SUMF1: variants seen among roughly 807,000 people sequenced by gnomAD.
SUMF1 encodes sulfatase modifying factor 1, also known as formylglycine-generating enzyme.
Under a neutral mutation model 47.6 loss-of-function variants are expected in SUMF1, and 48 were observed. That is an observed-to-expected ratio of 1.01 (90% CI 0.80 to 1.28). The LOEUF (loss-of-function observed/expected upper bound fraction) is 1.28, where lower values mean the gene tolerates loss of function less well. Among genes scored for constraint, SUMF1 ranks in the 50% most tolerant of loss-of-function variants. The pLI is 0.00. For synonymous variants in SUMF1, 230 were observed against 192.1 expected (o/e 1.20, Z -1.63); for missense variants, 571 against 485.4 (o/e 1.18, Z -1.66).
At chr3:4,245,758 T>G (rs559854233) in intron 8 of SUMF1, among the ~76,000 whole-genome samples, 2 of 152,312 alleles carry the variant, frequency 1.3e-5, no homozygotes, top group Non-Finnish European at 2.9e-5. Flanking sequence ...GCCGGTAGAA[T>G]GACTGCTCTC....
At chr3:4,385,441 TTC>T (rs1700641181) in intron 7 of SUMF1, among the ~76,000 whole-genome samples, 1 of 152,206 alleles carries the variant, frequency 6.6e-6, no homozygotes, top group Non-Finnish European at 1.5e-5. Flanking sequence ...GTGGTGTCTC[TTC>T]ATGTCTTCTG....
At chr3:4,048,766 T>C (rs1695051987) in intron 9 of SUMF1, among the ~76,000 whole-genome samples, 1 of 152,186 alleles carries the variant, frequency 6.6e-6, no homozygotes, top group Non-Finnish European at 1.5e-5. Context: ...ACCATGTACA[T>C]TTCATTGCAT....
In SUMF1 at chr3:4,253,130, G is replaced by A. The variant is rs191292603; in HGVS notation, c.1014+123200C>T. 7.8e-4 allele frequency among the ~76,000 whole-genome samples: 119 copies of A among 152,284 alleles called. 2 individuals carry two copies. In the East Asian group the frequency reaches 0.016, roughly 21 times the overall value. ...AAAAAGGCACTGTGAAAAGGCTTTT[G>A]GGTTATGACACAAGCTCAGTTTGGT... On this transcript the variant is annotated intron_variant and NMD_transcript_variant, in intron 8 of 12. Transcript: ENST00000448413.
chr3:4,278,679 T>G lies in SUMF1; in HGVS notation c.1014+97651A>C, dbSNP rs73806975. 7.0e-3 allele frequency among the ~76,000 whole-genome samples: 1,059 copies of G among 152,184 alleles called. 16 individuals are homozygous for G. The highest frequency in any genetic ancestry group is 0.024 in the African/African-American group (1,016 of 41,550). On this transcript the variant is annotated intron_variant and NMD_transcript_variant, in intron 8 of 12. Transcript: ENST00000448413. ...GGCACTGTCATCAGTCGAACCAAGA[T>G]TAGATAAATTAACAAGCAAAAAGCA...
chr3:4,039,232 T>TTTTTTTTTA (rs1373084459), intron 9 of SUMF1, among the ~76,000 whole-genome samples: 1 of 128,740 alleles, frequency 7.8e-6, no homozygotes. Flanking sequence ...TTTTTTTTTT[T>TTTTTTTTTA]TTATTATACT....
chr3:4,152,283 TTTTG>T lies in SUMF1; in HGVS notation c.1015-83542_1015-83539del, dbSNP rs767836191. On this transcript the variant is annotated intron_variant and NMD_transcript_variant, in intron 8 of 12. Coordinates refer to the SUMF1 transcript ENST00000448413. Reference sequence around the variant, plus strand: ...GGACAGTCTAGAAGAGCAGTCTGGATTTTGTTTGTTTATTTGTTTTTTGAAACAG... The same window carrying T: ...GGACAGTCTAGAAGAGCAGTCTGGATTTTGTTTATTTGTTTTTTGAAACAG... Among the ~76,000 whole-genome samples the T allele has an allele frequency of 2.6e-4, 39 of 151,330 alleles. No individual in the cohort carries two copies. In the Middle Eastern group the frequency reaches 0.01, roughly 40 times the overall value.
At chr3:4,351,073 T>C (rs1248756781) in intron 8 of SUMF1, among the ~76,000 whole-genome samples, 1 of 152,318 alleles carries the variant, frequency 6.6e-6, no homozygotes, top group Non-Finnish European at 1.5e-5. Context: ...AAGGGTTGGC[T>C]CCACAAGAGA....
chr3:4,213,363 T>G (rs1157703236), intron 8 of SUMF1, among the ~76,000 whole-genome samples: 6 of 151,976 alleles, frequency 3.9e-5, no homozygotes, highest in African/African-American at 1.5e-4. Flanking sequence ...AGCAAATGCT[T>G]TAAGATTTTG....
intron 8 of SUMF1, chr3:4,313,040 C>T (rs145940333): frequency 1.1e-5 from 17 of 1,613,836 alleles, no homozygotes; most frequent in Non-Finnish European, 1.4e-5. Context: ...GATGATAACT[C>T]ATGCCTTAGA....
intron 1 of SUMF1, among the ~76,000 whole-genome samples, chr3:4,462,299 G>C (rs928369482): frequency 2.0e-5 from 3 of 152,104 alleles, no homozygotes; most frequent in Non-Finnish European, 4.4e-5. Context: ...TTGAACTTTT[G>C]CTGGAGCTAC....
chr3:4,388,329 G>A (rs934249281), intron 7 of SUMF1, among the ~76,000 whole-genome samples: 12 of 151,918 alleles, frequency 7.9e-5, no homozygotes, highest in African/African-American at 2.9e-4. Flanking sequence ...CCTCAACTCT[G>A]GTAAATTTCT....
rs1303328999 is a variant in SUMF1, at chr3:4,227,580, C to T, written c.1014+148750G>A. ...ACTACCTTGGGAGATTAACCTCAAACACAGGGCTCCACACTCTCCCTAATC... is the reference window on the plus strand; with the variant it reads ...ACTACCTTGGGAGATTAACCTCAAATACAGGGCTCCACACTCTCCCTAATC... On this transcript the variant is annotated intron_variant and NMD_transcript_variant, in intron 8 of 12. Transcript: ENST00000448413. 4.6e-5 allele frequency among the ~76,000 whole-genome samples: 7 copies of T among 152,230 alleles called. No homozygotes were observed. In the East Asian group the frequency reaches 1.4e-3, roughly 29 times the overall value.
chr3:4,354,789 G>A (rs1699582152), intron 8 of SUMF1, among the ~76,000 whole-genome samples: 1 of 152,092 alleles, frequency 6.6e-6, no homozygotes, highest in South Asian at 2.1e-4. Context: ...GCTTCTAATA[G>A]TCATATTTAT....
downstream of SUMF1, among the ~76,000 whole-genome samples, chr3:4,356,320 A>C (rs969394752): frequency 3.3e-5 from 5 of 152,260 alleles, no homozygotes; most frequent in Non-Finnish European, 4.4e-5. Context: ...CTCTGATACT[A>C]ATCTGCAAAC....
At chr3:4,391,011 G>C (rs1237924377) in intron 7 of SUMF1, among the ~76,000 whole-genome samples, 1 of 152,094 alleles carries the variant, frequency 6.6e-6, no homozygotes, top group Non-Finnish European at 1.5e-5. Flanking sequence ...CTTCATTTTT[G>C]AAGGATTGTT....
At chr3:4,098,600 G>A (rs1203678089) in intron 8 of SUMF1, among the ~76,000 whole-genome samples, 1 of 152,064 alleles carries the variant, frequency 6.6e-6, no homozygotes, top group Non-Finnish European at 1.5e-5. Flanking sequence ...TCTAGATGTA[G>A]CCTATTTTTT....
chr3:4,180,828 TG>T (rs1203424992), intron 8 of SUMF1, among the ~76,000 whole-genome samples: 1 of 151,888 alleles, frequency 6.6e-6, no homozygotes, highest in East Asian at 1.9e-4. Flanking sequence ...ACTCCAGCCT[TG>T]GTGACAGAGT....
chr3:4,212,019 G>A (rs986230447), intron 8 of SUMF1, among the ~76,000 whole-genome samples: 2 of 152,184 alleles, frequency 1.3e-5, no homozygotes, highest in East Asian at 1.9e-4. Context: ...AGATGTAAAC[G>A]TCCCTGCCTG....
chr3:4,039,314 T>C (rs1694866957), intron 9 of SUMF1, among the ~76,000 whole-genome samples: 1 of 110,482 alleles, frequency 9.1e-6, no homozygotes, highest in African/African-American at 3.5e-5. Context: ...GCTGGTGCGC[T>C]GCACCCACTA....
Sources: allele counts gnomAD v4.1 joint callset (sites outside exome capture counted in the v4.1 genomes callset), GRCh38; gene constraint gnomAD v4.1.1; transcripts MANE v1.5; gene names NCBI Gene and HGNC (gene_info 2026-07-23, HGNC 2026-07-21).